The following RPH3A variants were observed in gnomAD, a reference collection of about 807,000 sequenced individuals.
RPH3A encodes rabphilin 3A.
Under a neutral mutation model 102.2 loss-of-function variants are expected in RPH3A, and 48 were observed. The observed-to-expected ratio is 0.47, with a 90% CI of 0.37 to 0.60. RPH3A has a LOEUF of 0.60. RPH3A is among the 20% of genes least tolerant of loss of function. The probability of loss-of-function intolerance (pLI) is 0.00; values close to 1 mark genes in which losing one functional copy is unlikely to be tolerated. For synonymous variants in RPH3A, 310 were observed against 324.3 expected, an observed-to-expected ratio of 0.96 and a Z score of 0.47; for missense variants, 781 against 910.1, an observed-to-expected ratio of 0.86 and a Z score of 1.83.
chr12:112,795,498 G>A (rs541221869), intron 2 of RPH3A, among the ~76,000 whole-genome samples: 2 of 152,270 alleles, frequency 1.3e-5, no homozygotes, highest in African/African-American at 4.8e-5. Flanking sequence ...TTCTTTCTGT[G>A]CCTCACACCT....
intron 1 of RPH3A, among the ~76,000 whole-genome samples, chr12:112,699,621 G>A (rs966925502): frequency 2.6e-5 from 4 of 152,166 alleles, no homozygotes; most frequent in Non-Finnish European, 5.9e-5. Context: ...CTGGGGGTGG[G>A]TTTGATGAGA....
chr12:112,693,567 C>T (rs975951870), intron 1 of RPH3A, among the ~76,000 whole-genome samples: 2 of 152,170 alleles, frequency 1.3e-5, no homozygotes, highest in Non-Finnish European at 1.5e-5. Context: ...CTCTTCACTG[C>T]CTTTGCTCCT....
At chr12:112,745,480 T>G (rs2040739357) in intron 1 of RPH3A, among the ~76,000 whole-genome samples, 1 of 152,206 alleles carries the variant, frequency 6.6e-6, no homozygotes, top group Non-Finnish European at 1.5e-5. Context: ...TTAGTTGGCT[T>G]AGAGCTTCTC....
intron 1 of RPH3A, among the ~76,000 whole-genome samples, chr12:112,713,079 C>G (rs1225527123): frequency 2.4e-5 from 3 of 126,300 alleles, no homozygotes; most frequent in Admixed American, 1.7e-4. Flanking sequence ...TCTTCTTCTT[C>G]TTCTTCTTCT....
chr12:112,855,139 C>T (rs1242736431), intron 5 of RPH3A, among the ~76,000 whole-genome samples: 1 of 152,212 alleles, frequency 6.6e-6, no homozygotes, highest in Non-Finnish European at 1.5e-5. Context: ...CTTCTAGCCT[C>T]TGGGCAGCTG....
At chr12:112,715,761 A>G (rs2040509736) in intron 1 of RPH3A, among the ~76,000 whole-genome samples, 1 of 152,170 alleles carries the variant, frequency 6.6e-6, no homozygotes, top group South Asian at 2.1e-4. Flanking sequence ...GGGTTCTTGG[A>G]TCTTTCCCAA....
intron 14 of RPH3A, among the ~76,000 whole-genome samples, chr12:112,879,840 G>T (rs1264364051): frequency 1.3e-5 from 2 of 152,222 alleles, no homozygotes; most frequent in Non-Finnish European, 2.9e-5. Context: ...CAGGAACCAG[G>T]TTTCTTGGGT....
intron 1 of RPH3A, among the ~76,000 whole-genome samples, chr12:112,777,994 G>A (rs1033548373): frequency 1.3e-5 from 2 of 152,196 alleles, no homozygotes; most frequent in Non-Finnish European, 2.9e-5. Flanking sequence ...TCTTCCATAT[G>A]GGAGGCACCA....
intron 2 of RPH3A, among the ~76,000 whole-genome samples, chr12:112,818,506 G>A (rs2041719985): frequency 6.6e-6 from 1 of 152,004 alleles, no homozygotes; most frequent in Admixed American, 6.5e-5. Flanking sequence ...GTGATCAATA[G>A]CAGCTATAGA....
At chr12:112,735,628 A>G (rs1259111452) in intron 1 of RPH3A, among the ~76,000 whole-genome samples, 1 of 152,080 alleles carries the variant, frequency 6.6e-6, no homozygotes, top group East Asian at 1.9e-4. Flanking sequence ...TGGGATGGAG[A>G]ATGACACTTT....
At chr12:112,721,560 A>G (rs2040550807) in intron 1 of RPH3A, among the ~76,000 whole-genome samples, 1 of 152,174 alleles carries the variant, frequency 6.6e-6, no homozygotes, top group Admixed American at 6.5e-5. Context: ...TGGGCTGACA[A>G]TTATAAGCAA....
rs144023053 is a variant in RPH3A at position 112,694,599 on chromosome 12, G to C, written c.-139-97544G>C. 2.8e-3 allele frequency among the ~76,000 whole-genome samples: 421 copies of C among 152,052 alleles called. 2 individuals are homozygous for C. The highest frequency in any genetic ancestry group is 9.2e-3 in the African/African-American group (381 of 41,476). On this transcript the variant is annotated intron_variant, in intron 1 of 21. Coordinates refer to the RPH3A transcript ENST00000543106. ...AGAGAGAGAAAGGCAGAGAGAGAGA[G>C]AGAGACAGACAGAGAGAGACAAAGA...
intron 5 of RPH3A, among the ~76,000 whole-genome samples, chr12:112,864,803 A>C (rs1456158394): frequency 6.6e-6 from 1 of 152,180 alleles, no homozygotes; most frequent in Non-Finnish European, 1.5e-5. Context: ...AACTGTCTGT[A>C]CTTGACAATT....
At chr12:112,666,529 G>T (rs1566249713) in intron 1 of RPH3A, among the ~76,000 whole-genome samples, 1 of 152,152 alleles carries the variant, frequency 6.6e-6, no homozygotes, top group South Asian at 2.1e-4. Context: ...AAATAGGACT[G>T]CTTTAGTTCC....
intron 1 of RPH3A, among the ~76,000 whole-genome samples, chr12:112,726,688 T>A (rs2040593119): frequency 6.6e-6 from 1 of 152,234 alleles, no homozygotes; most frequent in Non-Finnish European, 1.5e-5. Flanking sequence ...ATATTTGCCA[T>A]TTTATCTCAA....
chr12:112,718,290 A>T (rs529139630), intron 1 of RPH3A, among the ~76,000 whole-genome samples: 13 of 152,260 alleles, frequency 8.5e-5, no homozygotes, highest in African/African-American at 2.9e-4. Context: ...TTAAAAACAT[A>T]TTTAAATCCA....
chr12:112,875,579 G>A (rs536205574), intron 11 of RPH3A, 100 bp from the exon 12 acceptor site: 54 of 1,005,490 alleles, frequency 5.4e-5, no homozygotes, highest in African/African-American at 5.0e-4. Context: ...TTCTGCCTTC[G>A]GGCCTGTGTC....
chr12:112,577,743 T>A (rs1013091663), intron 1 of RPH3A, among the ~76,000 whole-genome samples: 27 of 151,688 alleles, frequency 1.8e-4, no homozygotes, highest in African/African-American at 6.5e-4. Context: ...GGGCCTCACT[T>A]TGTTGGGCAG....
chr12:112,752,174 A>C (rs1393216658), intron 1 of RPH3A, among the ~76,000 whole-genome samples: 2 of 152,220 alleles, frequency 1.3e-5, no homozygotes, highest in African/African-American at 4.8e-5. Flanking sequence ...TTTTCAAAAC[A>C]CAAACGAGGT....
Sources: allele counts gnomAD v4.1 joint callset (sites outside exome capture counted in the v4.1 genomes callset), GRCh38; gene constraint gnomAD v4.1.1; transcripts MANE v1.5; gene names NCBI Gene and HGNC (gene_info 2026-07-23, HGNC 2026-07-21).